The following EPHA3 variants were observed in gnomAD, a reference collection of about 807,000 sequenced individuals.
EPHA3 encodes the protein EPH receptor A3, also known as ephrin type-A receptor 3.
In EPHA3, 42 loss-of-function variants were observed where a neutral mutation model predicts 107.1. The ratio of observed to expected loss-of-function variants is 0.39; its 90% CI spans 0.31 to 0.51. The LOEUF (loss-of-function observed/expected upper bound fraction) is 0.51. Among genes scored for constraint, EPHA3 ranks in the 20% least tolerant of loss-of-function variants. EPHA3 has a pLI of 0.78. For missense variants in EPHA3, 1,183 were observed against 1,211.2 expected (o/e 0.98, Z 0.35); for synonymous variants, 461 against 424.8 (o/e 1.09, Z -1.05).
At chr3:89,157,127 T>C (rs1704825385) in intron 2 of EPHA3, among the ~76,000 whole-genome samples, 1 of 151,992 alleles carries the variant, frequency 6.6e-6, no homozygotes, top group African/African-American at 2.4e-5. Flanking sequence ...TGTGATGAAG[T>C]GAAGGTTTGT....
intron 3 of EPHA3, among the ~76,000 whole-genome samples, chr3:89,274,885 A>C (rs1215601917): frequency 6.6e-6 from 1 of 152,046 alleles, no homozygotes; most frequent in African/African-American, 2.4e-5. Flanking sequence ...TGAAATTGTC[A>C]TCTTTCCTGT....
intron 3 of EPHA3, among the ~76,000 whole-genome samples, chr3:89,272,146 C>CTAT (rs1417255834): frequency 2.0e-5 from 3 of 151,812 alleles, no homozygotes; most frequent in Non-Finnish European, 4.4e-5. Flanking sequence ...CAACAGTAGG[C>CTAT]TATTAGTAAA....
chr3:89,313,607 A>G (rs887965244), intron 3 of EPHA3, among the ~76,000 whole-genome samples: 5 of 151,900 alleles, frequency 3.3e-5, no homozygotes, highest in African/African-American at 1.2e-4. Flanking sequence ...AATATAGGAA[A>G]TTTTCATAAG....
chr3:89,281,133 C>T (rs1231764156), intron 3 of EPHA3, among the ~76,000 whole-genome samples: 1 of 152,010 alleles, frequency 6.6e-6, no homozygotes, highest in Non-Finnish European at 1.5e-5. Flanking sequence ...AAGTAATTAT[C>T]CTGCCTCAGC....
chr3:89,439,669 AATTTGAC>A (rs1709743975), intron 13 of EPHA3, among the ~76,000 whole-genome samples: 1 of 151,882 alleles, frequency 6.6e-6, no homozygotes, highest in South Asian at 2.1e-4. Flanking sequence ...AAAAATACAA[AATTTGAC>A]ATTTAAAACC....
chr3:89,475,488 C>A (rs1333832328), intron 16 of EPHA3, among the ~76,000 whole-genome samples: 1 of 152,190 alleles, frequency 6.6e-6, no homozygotes, highest in Non-Finnish European at 1.5e-5. Context: ...CATTGACATG[C>A]AAGCTACTCA....
chr3:89,275,950 T>C (rs1173742783), intron 3 of EPHA3, among the ~76,000 whole-genome samples: 4 of 152,046 alleles, frequency 2.6e-5, no homozygotes, highest in African/African-American at 9.7e-5. Context: ...CCAGGAAATA[T>C]ACTTGGCCAA....
At chr3:89,344,893 C>G (rs1707608084) in intron 5 of EPHA3, among the ~76,000 whole-genome samples, 1 of 141,488 alleles carries the variant, frequency 7.1e-6, no homozygotes, top group African/African-American at 2.5e-5. Flanking sequence ...GCTCTCAATA[C>G]TTTCACAAAG....
chr3:89,450,862 T>C (rs976158058), intron 15 of EPHA3, among the ~76,000 whole-genome samples: 3 of 152,104 alleles, frequency 2.0e-5, no homozygotes, highest in Admixed American at 2.0e-4. Flanking sequence ...GCTGATATCA[T>C]GCCACTGCAC....
chr3:89,139,713 A>G (rs1305441697), intron 2 of EPHA3, among the ~76,000 whole-genome samples: 1 of 151,690 alleles, frequency 6.6e-6, no homozygotes, highest in Non-Finnish European at 1.5e-5. Flanking sequence ...TAGACAAGCA[A>G]TTGAGGCTCA....
intron 3 of EPHA3, among the ~76,000 whole-genome samples, chr3:89,332,006 T>A (rs1004756766): frequency 1.3e-5 from 2 of 152,082 alleles, no homozygotes; most frequent in Non-Finnish European, 2.9e-5. Flanking sequence ...GAGTATAGAG[T>A]TGAGCTTTAT....
At chr3:89,270,615 C>A (rs1232967671) in intron 3 of EPHA3, among the ~76,000 whole-genome samples, 3 of 152,060 alleles carry the variant, frequency 2.0e-5, no homozygotes, top group African/African-American at 7.2e-5. Flanking sequence ...GTTCATAAAA[C>A]TTAAACAAAT....
intron 2 of EPHA3, among the ~76,000 whole-genome samples, chr3:89,176,359 C>T (rs1343915072): frequency 6.6e-6 from 1 of 151,684 alleles, no homozygotes; most frequent in African/African-American, 2.4e-5. Flanking sequence ...GTGGTGCATG[C>T]CTGTAGCCCC....
At chr3:89,304,806 C>G (rs1223490458) in intron 3 of EPHA3, among the ~76,000 whole-genome samples, 1 of 152,138 alleles carries the variant, frequency 6.6e-6, no homozygotes, top group East Asian at 1.9e-4. Context: ...CTGCATACTA[C>G]AACATAAACT....
chr3:89,370,933 T>G (rs953872395), intron 5 of EPHA3, among the ~76,000 whole-genome samples: 16 of 142,032 alleles, frequency 1.1e-4, no homozygotes, highest in Non-Finnish European at 2.2e-4. Context: ...GTTTTTCATC[T>G]TTTCTGTGCA....
chr3:89,407,269 C>T lies in EPHA3; in HGVS notation c.1595C>T (p.Ser532Phe). ...TTATTTTTTCTCTTCAACCTCACAG[C>T]TTTCTCCATCTCTGGTGAAAGTAGC... is the stretch of plus-strand genomic sequence containing the variant. The part of the protein sequence containing the change: ...RKFEFETSPD[S>F]FSISGESSQV... The change falls in exon 8 of 17, where the codon TCT becomes TTT. Residue 532 changes from serine (S) to phenylalanine (F), a missense_variant and splice_region_variant. Physicochemically the swap from Ser to Phe is radical, Grantham distance 155 (BLOSUM62 -2). Coordinates refer to ENST00000336596, the MANE Select transcript of EPHA3 (RefSeq NM_005233.6). 6.2e-7 allele frequency: 1 copy of T among 1,612,798 alleles called. No homozygotes were observed. The highest frequency in any genetic ancestry group is 1.3e-5 in the African/African-American group (1 of 74,990).
At chr3:89,441,529 T>C (rs1709787271) in intron 13 of EPHA3, among the ~76,000 whole-genome samples, 1 of 152,206 alleles carries the variant, frequency 6.6e-6, no homozygotes, top group South Asian at 2.1e-4. Flanking sequence ...ATTGTTATAG[T>C]GACTAGCTGA....
At chr3:89,157,430 G>A (rs1704831360) in intron 2 of EPHA3, among the ~76,000 whole-genome samples, 2 of 151,968 alleles carry the variant, frequency 1.3e-5, no homozygotes. Context: ...TTCCTATGGT[G>A]TTCTTTCACA....
intron 13 of EPHA3, 109 bp downstream of exon 13, chr3:89,431,468 T>C (rs577595562): frequency 2.9e-5 from 23 of 793,614 alleles, no homozygotes; most frequent in Non-Finnish European, 4.1e-5. Context: ...AATTATGCTT[T>C]CCACAATAGA....
Sources: allele counts gnomAD v4.1 joint callset (sites outside exome capture counted in the v4.1 genomes callset), GRCh38; gene constraint gnomAD v4.1.1; transcripts MANE v1.5; gene names NCBI Gene and HGNC (gene_info 2026-07-23, HGNC 2026-07-21).